The following UMODL1 variants were observed in gnomAD, a reference collection of about 807,000 sequenced individuals.
UMODL1 encodes uromodulin like 1, also known as uromodulin-like 1.
UMODL1 carries 128 observed loss-of-function variants against 136.3 expected under a neutral mutation model. That is an observed-to-expected ratio of 0.94 (90% CI 0.81 to 1.09). UMODL1 has a LOEUF of 1.09. Among genes scored for constraint, UMODL1 ranks in the 50% least tolerant of loss-of-function variants. The pLI, the probability that UMODL1 is intolerant of heterozygous loss-of-function variation, is 0.00. For missense variants in UMODL1, 1,766 were observed against 1,725.6 expected (o/e 1.02, Z -0.41); for synonymous variants, 721 against 720.0 (o/e 1.00, Z -0.02).
At position 42,119,309 on chromosome 21, in the gene UMODL1, G is replaced by C. The variant is rs145274320; in HGVS notation, c.2674G>C (p.Asp892His). Residue 892 changes from aspartate (D) to histidine (H), a missense_variant, in exon 15 of 23, where the codon GAC becomes CAC. Coordinates refer to ENST00000408910, the MANE Select transcript of UMODL1 (RefSeq NM_001004416.3). Reference protein sequence around the residue: ...TVPLLEVIRGDTFIQDYDECE... With the variant: ...TVPLLEVIRGHTFIQDYDECE... ...GCCTCTGCTGGAGGTGATCAGAGGC[G>C]ACACCTTCATACAGGGTACGAGAGG... 1 of 1,613,930 alleles carries C rather than the reference G, an allele frequency of 6.2e-7. No individual in the cohort carries two copies. Among genetic ancestry groups the C allele is most frequent in the Non-Finnish European group, 8.5e-7 (1 of 1,179,998 alleles).
chr21:42,132,409 A>G (rs2067146200), intron 21 of UMODL1, among the ~76,000 whole-genome samples: 1 of 149,264 alleles, frequency 6.7e-6, no homozygotes, highest in African/African-American at 2.5e-5. Flanking sequence ...CACTCATCCA[A>G]CCATACATTC....
At chr21:42,092,788 C>A (rs1053177066) in intron 6 of UMODL1, among the ~76,000 whole-genome samples, 2 of 152,234 alleles carry the variant, frequency 1.3e-5, no homozygotes, top group African/African-American at 4.8e-5. Context: ...CTGCTCTGAG[C>A]ACTCTGTGGG....
At chr21:42,067,914 G>T (rs1458290273), upstream of UMODL1, among the ~76,000 whole-genome samples, 2 of 152,240 alleles carry the variant, frequency 1.3e-5, no homozygotes, top group Non-Finnish European at 2.9e-5. Context: ...TTCGGGCTGT[G>T]ATAAGAAAGC....
Position 42,092,694 on chromosome 21 carries a change from A to T in UMODL1, c.931+2256A>T, listed in dbSNP as rs1041761634. The stretch of plus-strand genomic sequence containing the variant: ...TTAATTTGCATGTTCTTTTTCCTTA[A>T]AAGGGACTCAACATTGAGGACCATC... On this transcript the variant is annotated intron_variant, in intron 6 of 22. Transcript: ENST00000408910. Among the ~76,000 whole-genome samples the T allele has an allele frequency of 2.6e-5, 4 of 152,276 alleles. 1 individual carries two copies.
In UMODL1 at chr21:42,071,382, C is replaced by T. The variant is rs562313753; in HGVS notation, c.66C>T (p.Ser22=). The T allele has an allele frequency of 9.5e-5, 151 of 1,590,798 alleles. No homozygotes were observed. The highest frequency in any genetic ancestry group is 7.0e-4 in the South Asian group (61 of 87,604). ...GTGCTGTGGGCCCAAGCCAGGCCAGCGGCTTCACAGGTGAGGGGTCTGGGC... is the reference window on the plus strand; with the variant it reads ...GTGCTGTGGGCCCAAGCCAGGCCAGTGGCTTCACAGGTGAGGGGTCTGGGC... The part of the protein sequence containing the change: ...LVSAVGPSQA[S]GFTEKGLSLL... The change falls in exon 1 of 23, where the codon AGC becomes AGT. Residue 22 remains serine (S), a synonymous_variant. Transcript: ENST00000408910.
At chr21:42,130,245 T>TGTGTGTGTGCGC (rs377170083) in intron 21 of UMODL1, among the ~76,000 whole-genome samples, 2 of 151,852 alleles carry the variant, frequency 1.3e-5, no homozygotes, top group African/African-American at 4.8e-5. Context: ...TGTGTGTGTG[T>TGTGTGTGTGCGC]GCGTGCACAC....
At chr21:42,087,319 C>A (rs1288797389) in intron 4 of UMODL1, among the ~76,000 whole-genome samples, 2 of 152,182 alleles carry the variant, frequency 1.3e-5, no homozygotes, top group African/African-American at 2.4e-5. Flanking sequence ...AAATTATGAG[C>A]TGCATCTCCT....
At chr21:42,072,952 G>A (rs1419852826) in intron 1 of UMODL1, among the ~76,000 whole-genome samples, 2 of 152,194 alleles carry the variant, frequency 1.3e-5, no homozygotes, top group Non-Finnish European at 2.9e-5. Flanking sequence ...CGTGACCTCG[G>A]ATAAAATGTT....
At chr21:42,116,777 C>T (rs1051450798) in intron 14 of UMODL1, among the ~76,000 whole-genome samples, 3 of 152,272 alleles carry the variant, frequency 2.0e-5, no homozygotes, top group Admixed American at 2.0e-4. Context: ...ACCTTATACC[C>T]ATTAGAAGTC....
At chr21:42,069,578 G>C (rs992480529), upstream of UMODL1, among the ~76,000 whole-genome samples, 3 of 152,144 alleles carry the variant, frequency 2.0e-5, no homozygotes, top group African/African-American at 7.2e-5. Context: ...TTTACTGGCT[G>C]TGTGGCCTTT....
intron 21 of UMODL1, among the ~76,000 whole-genome samples, chr21:42,134,688 C>G (rs2067180081): frequency 6.6e-6 from 1 of 152,142 alleles, no homozygotes; most frequent in African/African-American, 2.4e-5. Flanking sequence ...GATCTCGGCT[C>G]ACTGCAGCTT....
At position 42,122,637 on chromosome 21, in the gene UMODL1, G is replaced by C. The variant is rs988687604; in HGVS notation, c.2828-194G>C. ...CGTGCATGTGTGTGCATGCACGTGTGTGTACGTGTGTGTGCATATGTGTGC... is the reference window on the plus strand; with the variant it reads ...CGTGCATGTGTGTGCATGCACGTGTCTGTACGTGTGTGTGCATATGTGTGC... On this transcript the variant is annotated intron_variant, in intron 16 of 22. Coordinates refer to ENST00000408910, the MANE Select transcript of UMODL1 (RefSeq NM_001004416.3). This position sits in a 1 kb window ranked among gnomAD's most constrained non-coding sequence, Gnocchi z 4.3. Among the ~76,000 whole-genome samples, 1 of 149,704 alleles carries C rather than the reference G, an allele frequency of 6.7e-6. No individual in the cohort carries two copies. The highest frequency in any genetic ancestry group is 2.5e-5 in the African/African-American group (1 of 40,000).
At chr21:42,116,283 G>A (rs191135076) in intron 14 of UMODL1, among the ~76,000 whole-genome samples, 300 of 151,934 alleles carry the variant, frequency 2.0e-3, no homozygotes, top group Non-Finnish European at 3.6e-3. Context: ...GAACCCAGGA[G>A]GCAGAGGTTG....
intron 12 of UMODL1, among the ~76,000 whole-genome samples, chr21:42,112,716 G>T (rs2146508337): frequency 6.6e-6 from 1 of 152,154 alleles, no homozygotes; most frequent in East Asian, 1.9e-4. Context: ...TTCCCCAGCT[G>T]TTCTTCACCC....
intron 1 of UMODL1, among the ~76,000 whole-genome samples, chr21:42,065,892 T>C (rs1490694655): frequency 6.6e-6 from 1 of 152,186 alleles, no homozygotes; most frequent in Non-Finnish European, 1.5e-5. Flanking sequence ...CAGGCCTGGC[T>C]GGCACCCTAT....
At chr21:42,090,896 G>C (rs1009960023) in intron 6 of UMODL1, among the ~76,000 whole-genome samples, 1 of 152,216 alleles carries the variant, frequency 6.6e-6, no homozygotes, top group Non-Finnish European at 1.5e-5. Context: ...AAATCAGTTA[G>C]ATTTGCTTCA....
chr21:42,121,672 GTT>G (rs2066975102), intron 16 of UMODL1, among the ~76,000 whole-genome samples: 1 of 152,206 alleles, frequency 6.6e-6, no homozygotes, highest in African/African-American at 2.4e-5. Context: ...CTGACCCCAC[GTT>G]GGCCACTGCT....
chr21:42,067,051 T>C (rs1180972005), upstream of UMODL1, among the ~76,000 whole-genome samples: 1 of 151,680 alleles, frequency 6.6e-6, no homozygotes, highest in African/African-American at 2.4e-5. Context: ...CTTGGCTCAC[T>C]GCAACCTCCG....
Position 42,104,081 on chromosome 21 carries a change from G to C in UMODL1, c.1513G>C (p.Val505Leu), listed in dbSNP as rs544936734. Reference protein sequence around the residue: ...VFQIDRQGTRVQDWDECVDSA... With the variant: ...VFQIDRQGTRLQDWDECVDSA... ...CCAGATTGACCGGCAGGGGACACGC[G>C]TGCAAGGTATGGCCCAGCCACCCGC... The change falls in exon 9 of 23, where the codon GTG becomes CTG. Residue 505 changes from valine (V) to leucine (L), a missense_variant. Val to Leu is a conservative substitution (Grantham distance 32). Transcript: ENST00000408910. 3 of 1,609,762 alleles carry C rather than the reference G, an allele frequency of 1.9e-6. No individual in the cohort carries two copies. Among genetic ancestry groups the C allele is most frequent in the African/African-American group, 1.3e-5 (1 of 75,012 alleles).
Sources: allele counts gnomAD v4.1 joint callset (sites outside exome capture counted in the v4.1 genomes callset), GRCh38; gene constraint gnomAD v4.1.1; non-coding constraint Gnocchi (gnomAD v3.1); transcripts MANE v1.5; gene names NCBI Gene and HGNC (gene_info 2026-07-23, HGNC 2026-07-21).